The following MEGF11 variants were observed in gnomAD, a reference collection of about 807,000 sequenced individuals.
The protein encoded by MEGF11 is multiple epidermal growth factor-like domains protein 11.
Under a neutral mutation model 146.6 loss-of-function variants are expected in MEGF11, and 126 were observed. The ratio of observed to expected loss-of-function variants is 0.86; its 90% CI spans 0.74 to 1.00. The LOEUF is 1.00. Among genes scored for constraint, MEGF11 ranks in the 50% least tolerant of loss-of-function variants. The pLI, the probability that MEGF11 is intolerant of heterozygous loss-of-function variation, is 0.00. For synonymous variants in MEGF11, 532 were observed against 583.4 expected (o/e 0.91, Z 1.27); for missense variants, 1,509 against 1,521.2 (o/e 0.99, Z 0.13).
intron 15 of MEGF11, among the ~76,000 whole-genome samples, chr15:65,919,791 T>C (rs1840776737): frequency 6.6e-6 from 1 of 152,212 alleles, no homozygotes; most frequent in South Asian, 2.1e-4. Context: ...GGCTAATTTT[T>C]GTATTTTTAG....
At chr15:66,001,382 G>A (rs1567197028) in intron 5 of MEGF11, among the ~76,000 whole-genome samples, 1 of 152,124 alleles carries the variant, frequency 6.6e-6, no homozygotes, top group Non-Finnish European at 1.5e-5. Flanking sequence ...ACTTCCCCAG[G>A]CTGGAAGGAT....
At chr15:66,135,872 G>T (rs930282671) in intron 1 of MEGF11, among the ~76,000 whole-genome samples, 15 of 152,140 alleles carry the variant, frequency 9.9e-5, no homozygotes, top group African/African-American at 3.6e-4. Flanking sequence ...CCCAGGAAAG[G>T]TTGCTTAACC....
chr15:66,073,792 A>T (rs1393570055), intron 5 of MEGF11, among the ~76,000 whole-genome samples: 1 of 152,132 alleles, frequency 6.6e-6, no homozygotes, highest in Non-Finnish European at 1.5e-5. Flanking sequence ...CCCACACCTC[A>T]CACCTGGTAT....
intron 5 of MEGF11, among the ~76,000 whole-genome samples, chr15:66,076,628 C>T (rs1160606716): frequency 6.6e-6 from 1 of 152,120 alleles, no homozygotes; most frequent in African/African-American, 2.4e-5. Context: ...ATGGCTGCTC[C>T]TGAGAGGCAG....
At chr15:66,141,883 A>G (rs1000144437) in intron 1 of MEGF11, among the ~76,000 whole-genome samples, 4 of 152,106 alleles carry the variant, frequency 2.6e-5, no homozygotes, top group African/African-American at 9.7e-5. Flanking sequence ...GAATCTAGGG[A>G]GAGACTGGGG....
chr15:66,210,854 G>A (rs371605683), intron 1 of MEGF11, among the ~76,000 whole-genome samples: 6 of 152,150 alleles, frequency 3.9e-5, no homozygotes, highest in South Asian at 2.1e-4. Context: ...AATGAATATC[G>A]CCAGGGCCAC....
chr15:65,918,946 TAGAG>T (rs990023634), intron 15 of MEGF11, among the ~76,000 whole-genome samples: 1 of 152,214 alleles, frequency 6.6e-6, no homozygotes, highest in African/African-American at 2.4e-5. Context: ...ATGTCCTGCT[TAGAG>T]AGCCTCAGTG....
intron 4 of MEGF11, among the ~76,000 whole-genome samples, chr15:66,107,120 C>T (rs555916324): frequency 6.6e-6 from 1 of 152,064 alleles, no homozygotes; most frequent in Non-Finnish European, 1.5e-5. Context: ...GGACCCTGCT[C>T]CTAGGCTCTC....
intron 5 of MEGF11, among the ~76,000 whole-genome samples, chr15:66,036,611 C>T (rs1413050228): frequency 1.3e-5 from 2 of 152,198 alleles, no homozygotes; most frequent in Non-Finnish European, 2.9e-5. Context: ...CCGAGTCACA[C>T]CTGCCTTGAC....
chr15:65,936,253 G>A (rs2079782655), intron 10 of MEGF11, among the ~76,000 whole-genome samples: 1 of 152,148 alleles, frequency 6.6e-6, no homozygotes, highest in African/African-American at 2.4e-5. Context: ...TGCATACATA[G>A]CAACCTTCAT....
At chr15:65,905,980 C>A in intron 24 of MEGF11, 105 bp downstream of exon 24, 1 of 901,818 alleles carries the variant, frequency 1.1e-6, no homozygotes, top group Non-Finnish European at 1.7e-6. Flanking sequence ...CTGTGGGGGG[C>A]AGGCACACAC....
intron 1 of MEGF11, among the ~76,000 whole-genome samples, chr15:66,199,457 A>G (rs530672865): frequency 6.6e-6 from 1 of 152,130 alleles, no homozygotes; most frequent in South Asian, 2.1e-4. Flanking sequence ...TTGATGTTTC[A>G]GAGACTCCAG....
At chr15:66,196,121 C>T (rs111710941) in intron 1 of MEGF11, among the ~76,000 whole-genome samples, 1,895 of 152,164 alleles carry the variant, frequency 0.012, 32 homozygotes, top group African/African-American at 0.043. Flanking sequence ...GGGGGAGAAC[C>T]AGTGCTGGGA....
chr15:65,915,727 T>C, intron 18 of MEGF11, 129 bp from the exon 19 acceptor site: 7 of 1,183,570 alleles, frequency 5.9e-6, no homozygotes, highest in Non-Finnish European at 8.2e-6. Context: ...TTAGCTCCTG[T>C]TGAGGAGCAT....
chr15:66,065,594 G>C (rs921042557), intron 5 of MEGF11, among the ~76,000 whole-genome samples: 2 of 152,188 alleles, frequency 1.3e-5, no homozygotes, highest in Non-Finnish European at 2.9e-5. Flanking sequence ...AGGTGGGGGT[G>C]GGTACTGAGG....
At chr15:65,973,401 A>G (rs887886510) in intron 7 of MEGF11, among the ~76,000 whole-genome samples, 1 of 152,230 alleles carries the variant, frequency 6.6e-6, no homozygotes, top group Non-Finnish European at 1.5e-5. Flanking sequence ...GAGCTCTGTT[A>G]GAGAGTTTTA....
At position 65,982,211 on chromosome 15, in the gene MEGF11, C is replaced by T; in HGVS notation, c.641+31G>A. ...CCTCCAGGTCCCGCCCCTCCAGGTC[C>T]CGCCCCTCCAGGTCCTGCCGCATGA... On this transcript the variant is annotated intron_variant, in intron 6 of 25. Coordinates refer to ENST00000395614, the MANE Select transcript of MEGF11 (RefSeq NM_001385028.1). The surrounding 1 kb of genome is among the most constrained non-coding windows in gnomAD (Gnocchi z 5.6). 2 of 1,534,674 alleles carry T rather than the reference C, an allele frequency of 1.3e-6. No homozygotes were observed. The highest frequency in any genetic ancestry group is 1.7e-6 in the Non-Finnish European group (2 of 1,143,316).
intron 1 of MEGF11, among the ~76,000 whole-genome samples, chr15:66,151,281 G>A (rs968399564): frequency 1.3e-5 from 2 of 152,184 alleles, no homozygotes; most frequent in African/African-American, 4.8e-5. Context: ...AGCAAAGAGA[G>A]GACCAACACA....
At chr15:66,141,921 C>G (rs990017531) in intron 1 of MEGF11, among the ~76,000 whole-genome samples, 2 of 152,162 alleles carry the variant, frequency 1.3e-5, no homozygotes, top group Non-Finnish European at 2.9e-5. Flanking sequence ...ATAAGCCCTA[C>G]TCCTCACTCC....
Sources: allele counts gnomAD v4.1 joint callset (sites outside exome capture counted in the v4.1 genomes callset), GRCh38; gene constraint gnomAD v4.1.1; non-coding constraint Gnocchi (gnomAD v3.1); transcripts MANE v1.5; gene names NCBI Gene and HGNC (gene_info 2026-07-23, HGNC 2026-07-21).